TUSC3: variants seen among roughly 807,000 people sequenced by gnomAD.
TUSC3 encodes tumor suppressor candidate 3.
In TUSC3, 45 loss-of-function variants were observed where a neutral mutation model predicts 44.8. That is an observed-to-expected ratio of 1.00 (90% CI 0.79 to 1.29). The LOEUF (loss-of-function observed/expected upper bound fraction) is 1.29. Among genes scored for constraint, TUSC3 ranks in the 50% most tolerant of loss-of-function variants. The pLI is 0.00. For synonymous variants in TUSC3, 212 were observed against 152.9 expected (o/e 1.39, Z -2.85); for missense variants, 519 against 437.9 (o/e 1.19, Z -1.65).
At chr8:15,605,001 G>A (rs1436895810) in intron 1 of TUSC3, among the ~76,000 whole-genome samples, 1 of 151,828 alleles carries the variant, frequency 6.6e-6, no homozygotes, top group Middle Eastern at 3.2e-3. Flanking sequence ...TCTGGTTATT[G>A]TAGAGAAGTT....
chr8:15,585,624 G>T (rs1186790113), intron 1 of TUSC3, among the ~76,000 whole-genome samples: 1 of 152,108 alleles, frequency 6.6e-6, no homozygotes, highest in Non-Finnish European at 1.5e-5. Flanking sequence ...TGGGCCCTTA[G>T]CCTAGAATCA....
chr8:15,622,944 A>T (rs1325347366), intron 1 of TUSC3, 136 bp from the exon 2 acceptor site: 3 of 917,088 alleles, frequency 3.3e-6, no homozygotes, highest in African/African-American at 1.7e-5. Context: ...TAGGAGCAGA[A>T]ATATGGTCTT....
At chr8:15,630,644 C>T (rs1585172059) in intron 2 of TUSC3, among the ~76,000 whole-genome samples, 1 of 152,140 alleles carries the variant, frequency 6.6e-6, no homozygotes, top group South Asian at 2.1e-4. Context: ...TGCACATATT[C>T]ATTATTGTCT....
At chr8:15,563,766 T>C (rs988144402) in intron 1 of TUSC3, among the ~76,000 whole-genome samples, 8 of 150,314 alleles carry the variant, frequency 5.3e-5, no homozygotes, top group Non-Finnish European at 8.9e-5. Flanking sequence ...TTAAAGCTCA[T>C]AGTTCTTAAA....
upstream of TUSC3, chr8:15,417,203 C>G (rs546844387): frequency 6.6e-6 from 1 of 152,542 alleles, no homozygotes; most frequent in South Asian, 2.1e-4. Context: ...CTTCCTCCTG[C>G]TCTGGCTGTG....
the TUSC3 span, among the ~76,000 whole-genome samples, chr8:15,847,867 C>A: frequency 6.6e-6 from 1 of 151,998 alleles, no homozygotes; most frequent in Non-Finnish European, 1.5e-5. Context: ...AGCGAATAAG[C>A]CTTAATTTTT....
intron 2 of TUSC3, among the ~76,000 whole-genome samples, chr8:15,633,657 G>T (rs1563144853): frequency 6.6e-6 from 1 of 152,254 alleles, no homozygotes; most frequent in Non-Finnish European, 1.5e-5. Context: ...GATGGCAGAG[G>T]TGGGGAAATG....
At chr8:15,473,973 T>G (rs943951689) in intron 1 of TUSC3, among the ~76,000 whole-genome samples, 1 of 152,068 alleles carries the variant, frequency 6.6e-6, no homozygotes, top group African/African-American at 2.4e-5. Context: ...GACCAGGGCG[T>G]ATTTTGGTCC....
chr8:15,476,399 C>CT (rs1208058528), intron 1 of TUSC3, among the ~76,000 whole-genome samples: 2 of 152,084 alleles, frequency 1.3e-5, no homozygotes, highest in Non-Finnish European at 2.9e-5. Flanking sequence ...TACTTTTGGT[C>CT]TTTTTATTTA....
chr8:15,842,788 C>T, the TUSC3 span, among the ~76,000 whole-genome samples: 5 of 152,258 alleles, frequency 3.3e-5, no homozygotes, highest in South Asian at 6.2e-4. Flanking sequence ...AACATGAACA[C>T]GTGGCACCAA....
At chr8:15,579,454 A>G (rs1258576286) in intron 1 of TUSC3, among the ~76,000 whole-genome samples, 1 of 67,606 alleles carries the variant, frequency 1.5e-5, no homozygotes. Flanking sequence ...GTGGGCATTT[A>G]GTGCTATAAA....
the TUSC3 span, among the ~76,000 whole-genome samples, chr8:15,781,600 A>G: frequency 6.9e-6 from 1 of 145,620 alleles, no homozygotes; most frequent in Non-Finnish European, 1.5e-5. Flanking sequence ...GAAAGAAAAA[A>G]AGAAAATGGA....
At chr8:15,735,381 A>T (rs541620431) in intron 7 of TUSC3, among the ~76,000 whole-genome samples, 1 of 152,218 alleles carries the variant, frequency 6.6e-6, no homozygotes, top group African/African-American at 2.4e-5. Flanking sequence ...GGATAGAAAT[A>T]TGGAGGAGAA....
intron 1 of TUSC3, among the ~76,000 whole-genome samples, chr8:15,622,147 T>C (rs1378239175): frequency 6.6e-6 from 1 of 152,150 alleles, no homozygotes; most frequent in African/African-American, 2.4e-5. Flanking sequence ...ATTTCAAGCC[T>C]CCCTCTCCTG....
At chr8:15,485,983 G>A (rs898972417) in intron 2 of TUSC3, among the ~76,000 whole-genome samples, 1 of 151,998 alleles carries the variant, frequency 6.6e-6, no homozygotes, top group Non-Finnish European at 1.5e-5. Context: ...TAGTAGAGTC[G>A]GGGTTTCGCC....
chr8:15,538,595 G>A (rs1002894575), upstream of TUSC3, among the ~76,000 whole-genome samples: 3 of 152,036 alleles, frequency 2.0e-5, no homozygotes, highest in Non-Finnish European at 2.9e-5. Flanking sequence ...TGGAGCAAGC[G>A]TTCTTAATCT....
At chr8:15,773,319 C>G in the TUSC3 span, among the ~76,000 whole-genome samples, 1 of 152,108 alleles carries the variant, frequency 6.6e-6, no homozygotes, top group African/African-American at 2.4e-5. Flanking sequence ...TTTCTATATA[C>G]TAGCAATGAA....
intron 7 of TUSC3, among the ~76,000 whole-genome samples, chr8:15,740,037 T>C (rs1811123071): frequency 6.6e-6 from 1 of 152,072 alleles, no homozygotes; most frequent in Non-Finnish European, 1.5e-5. Context: ...ACAAAGACAA[T>C]AAGTACATTG....
At chr8:15,499,974 A>G (rs1800936692) in intron 2 of TUSC3, among the ~76,000 whole-genome samples, 1 of 152,206 alleles carries the variant, frequency 6.6e-6, no homozygotes, top group Non-Finnish European at 1.5e-5. Flanking sequence ...TCATATTTCC[A>G]GCACTCTATA....
Sources: gnomAD v4.1 joint callset for allele counts (sites outside exome capture counted in the v4.1 genomes callset) on GRCh38, gnomAD v4.1.1 for gene constraint, MANE v1.5 for transcripts, NCBI Gene and HGNC (gene_info 2026-07-23, HGNC 2026-07-21) for gene names.